Variants in ARHGEF39 observed in about 807,000 individuals in gnomAD.
ARHGEF39 encodes Rho guanine nucleotide exchange factor (GEF) 39.
Under a neutral mutation model 47.5 loss-of-function variants are expected in ARHGEF39, and 45 were observed. That is an observed-to-expected ratio of 0.95 (90% CI 0.75 to 1.22). The LOEUF is 1.22. Ranked by LOEUF, ARHGEF39 falls within the 50% of genes most tolerant of loss-of-function variation. ARHGEF39 has a pLI of 0.00. For missense variants in ARHGEF39, 411 were observed against 425.3 expected (o/e 0.97, Z 0.30); for synonymous variants, 164 against 167.8 (o/e 0.98, Z 0.17).
intron 5 of ARHGEF39, 41 bp from the exon 6 acceptor site, chr9:35,663,115 A>G: frequency 6.2e-7 from 1 of 1,607,466 alleles, no homozygotes; most frequent in Non-Finnish European, 8.5e-7. Flanking sequence ...TACAACTTTG[A>G]CTTTGGGTGC....
chr9:35,663,926 A>T, intron 4 of ARHGEF39, 82 bp downstream of exon 4: 1 of 1,419,032 alleles, frequency 7.0e-7, no homozygotes, highest in Non-Finnish European at 9.9e-7. Context: ...TTTGGGATCG[A>T]CCCCAAGGCA....
chr9:35,662,645 A>G lies in ARHGEF39; in HGVS notation c.770T>C (p.Met257Thr), dbSNP rs149480515. 1,648 of 1,613,098 alleles carry G rather than the reference A, an allele frequency of 1.0e-3. 21 individuals are homozygous for G. The African/African-American group carries it at 0.019, about 19-fold the overall frequency. The stretch of plus-strand genomic sequence containing the variant: ...GTGCAGTGGAGGCCGAGGCTTGGCC[A>G]TGAGGAGCACATCAGTGAAGAGGAA... ...MFFLFTDVLL[M>T]AKPRPPLHLL... Residue 257 changes from methionine to threonine, a missense_variant, in exon 7 of 9, where the codon ATG (methionine) becomes ACG (threonine). Met to Thr is a moderately conservative substitution (Grantham distance 81). Coordinates refer to ENST00000378387, the MANE Select transcript of ARHGEF39 (RefSeq NM_032818.3).
intron 3 of ARHGEF39, 123 bp from the exon 4 acceptor site, chr9:35,664,249 C>T: frequency 2.0e-6 from 3 of 1,517,022 alleles, no homozygotes; most frequent in East Asian, 2.3e-5. Flanking sequence ...CGTTTCTCTA[C>T]AAGGAACTTA....
chr9:35,662,334 T>C (rs949653637), intron 7 of ARHGEF39, 67 bp from the exon 8 acceptor site: 2 of 1,513,460 alleles, frequency 1.3e-6, no homozygotes, highest in Non-Finnish European at 1.8e-6. Context: ...GCCCTTGCTG[T>C]TTCCATGGAG....
chr9:35,663,041 C>T lies in ARHGEF39; in HGVS notation c.578G>A (p.Arg193Lys). The stretch of plus-strand genomic sequence containing the variant: ...CTGTTTCTGACCAATAGTATGGACT[C>T]TCTGGGCAGTCTCACTTATCAGTCG... ...AARLISETAQ[R>K]VHTIGQKQKN... Residue 193 changes from arginine to lysine, a missense_variant, in exon 6 of 9, where the codon AGA becomes AAA. Transcript: ENST00000378387. 1 of 1,612,328 alleles carries T rather than the reference C, an allele frequency of 6.2e-7. No homozygotes were observed. The highest frequency in any genetic ancestry group is 8.5e-7 in the Non-Finnish European group (1 of 1,178,576).
In ARHGEF39 at chr9:35,661,071, G is replaced by A. The variant is rs755422129; in HGVS notation, c.*916C>T. On this transcript the variant is annotated 3_prime_UTR_variant, in exon 9 of 9. Transcript: ENST00000378387. ...GAACCTAGCTACTTCCTGGGAGGTG[G>A]GGCGGGGACTACGGAGAAGGTGCAG... 6.2e-7 allele frequency: 1 copy of A among 1,614,178 alleles called. No homozygotes were observed. Among genetic ancestry groups the A allele is most frequent in the Admixed American group, 1.7e-5 (1 of 60,022 alleles).
chr9:35,661,200 G>C lies in ARHGEF39; in HGVS notation c.*787C>G. ...TCTGTTTTCATGATGGAGTGCTCCTGTGTGTTTTTTCGATCCTAGTTGGTT... is the reference window on the plus strand; with the variant it reads ...TCTGTTTTCATGATGGAGTGCTCCTCTGTGTTTTTTCGATCCTAGTTGGTT... On this transcript the variant is annotated 3_prime_UTR_variant, in exon 9 of 9. Coordinates refer to ENST00000378387, the MANE Select transcript of ARHGEF39 (RefSeq NM_032818.3). 3 of 1,572,530 alleles carry C rather than the reference G, an allele frequency of 1.9e-6. No individual in the cohort carries two copies. Among genetic ancestry groups the C allele is most frequent in the Non-Finnish European group, 2.6e-6 (3 of 1,157,412 alleles).
At chr9:35,664,886 G>A in intron 1 of ARHGEF39, 36 bp from the exon 2 acceptor site, 1 of 1,594,476 alleles carries the variant, frequency 6.3e-7, no homozygotes, top group Non-Finnish European at 8.5e-7. Context: ...TTAGCCTAGA[G>A]GAAGAGAAGG....
rs1009159417 is a variant in ARHGEF39 at position 35,663,897 on chromosome 9, C to T, written c.473+111G>A. Reference sequence around the variant, plus strand: ...CAAAAGGTTTTTAGAAGCAATTTGGCTCAGGGTCGAGGCAAGAGTTTGGGA... The same window carrying T: ...CAAAAGGTTTTTAGAAGCAATTTGGTTCAGGGTCGAGGCAAGAGTTTGGGA... On this transcript the variant is annotated intron_variant, in intron 4 of 8. Transcript: ENST00000378387. The T allele has an allele frequency of 1.2e-5, 14 of 1,180,588 alleles. No individual in the cohort carries two copies. In the African/African-American group the frequency reaches 1.8e-4, roughly 16 times the overall value. The allele number at this position is 1,180,588 out of a possible 1,614,324, so 73.1% of individuals were successfully genotyped here. A position where few individuals can be genotyped will look rare whatever the true frequency, so the allele number is the denominator to read the frequency against.
At chr9:35,663,100 C>T in intron 5 of ARHGEF39, 26 bp from the exon 6 acceptor site, 1 of 1,609,138 alleles carries the variant, frequency 6.2e-7, no homozygotes. Context: ...CCACCTTACT[C>T]CCCATACAAC....
chr9:35,663,449 G>T, intron 4 of ARHGEF39, 57 bp from the exon 5 acceptor site: 1 of 1,454,194 alleles, frequency 6.9e-7, no homozygotes, highest in Non-Finnish European at 9.6e-7. Context: ...AATTCCCCCT[G>T]CCTGATGTGC....
chr9:35,663,381 A>C lies in ARHGEF39; in HGVS notation c.485T>G (p.Leu162Arg), dbSNP rs762614948. 1 of 1,613,502 alleles carries C rather than the reference A, an allele frequency of 6.2e-7. No individual in the cohort carries two copies. Among genetic ancestry groups the C allele is most frequent in the African/African-American group, 1.3e-5 (1 of 74,896 alleles). Residue 162 changes from leucine to arginine, a missense_variant, in exon 5 of 9, where the codon CTC becomes CGC. Coordinates refer to ENST00000378387, the MANE Select transcript of ARHGEF39 (RefSeq NM_032818.3). ...TGTGTTTTCAGCCAAAGCTACGACG[A>C]GATTCTCATACCTGGAATTCAACAG... The part of the protein sequence containing the change: ...PLQRLQQYEN[L>R]VVALAENTGP...
chr9:35,660,291 A>T lies in ARHGEF39; in HGVS notation c.*1696T>A. The T allele has an allele frequency of 2.1e-6, 2 of 934,156 alleles. No homozygotes were observed. Among genetic ancestry groups the T allele is most frequent in the South Asian group, 3.2e-5 (2 of 61,656 alleles). 57.9% of individuals were successfully genotyped at this position (934,156 alleles called of 1,614,324 possible). ...TTGTGATTCTCTGAGGTAAAAACCC[A>T]ATCACTGTCTCCATCTCAAATTGCA... is the stretch of plus-strand genomic sequence containing the variant. On this transcript the variant is annotated 3_prime_UTR_variant, in exon 9 of 9. Transcript: ENST00000378387.
chr9:35,664,973 G>T, intron 1 of ARHGEF39, 59 bp downstream of exon 1: 1 of 1,509,586 alleles, frequency 6.6e-7, no homozygotes, highest in South Asian at 1.3e-5. Flanking sequence ...ACCTCGCAGA[G>T]ACCCTCCCAC....
chr9:35,662,377 A>C, intron 7 of ARHGEF39, 110 bp from the exon 8 acceptor site: 1 of 1,385,696 alleles, frequency 7.2e-7, no homozygotes, highest in Non-Finnish European at 1.0e-6. Flanking sequence ...ACTAGGTATG[A>C]AGCCCGAGCC....
chr9:35,664,810 G>A lies in ARHGEF39; in HGVS notation c.179C>T (p.Pro60Leu). ...GCCAAACAGGGCCTGGCGCTCAGGTGGTCGCAGGGTCCCCTTGGCTTTCAG... is the reference window on the plus strand; with the variant it reads ...GCCAAACAGGGCCTGGCGCTCAGGTAGTCGCAGGGTCCCCTTGGCTTTCAG... ...GILKAKGTLR[P>L]PERQALFGSW... is the part of the protein sequence containing the mutation. Residue 60 changes from proline to leucine, a missense_variant, in exon 2 of 9, where the codon CCA becomes CTA. Physicochemically the swap from Pro to Leu is moderately conservative, Grantham distance 98 (BLOSUM62 -3). Coordinates refer to ENST00000378387, the MANE Select transcript of ARHGEF39 (RefSeq NM_032818.3). The A allele has an allele frequency of 6.2e-7, 1 of 1,611,966 alleles. No individual in the cohort carries two copies. Among genetic ancestry groups the A allele is most frequent in the African/African-American group, 1.3e-5 (1 of 75,062 alleles).
rs188416193 is a variant in ARHGEF39, at chr9:35,662,160, G to C, written c.992+19C>G. On this transcript the variant is annotated intron_variant, in intron 8 of 8. Coordinates refer to ENST00000378387, the MANE Select transcript of ARHGEF39 (RefSeq NM_032818.3). ...TGGGCCTCATCACAGCACCCTTCCTGGGGGAAGACACAACTTACCTGATAG... is the reference window on the plus strand; with the variant it reads ...TGGGCCTCATCACAGCACCCTTCCTCGGGGAAGACACAACTTACCTGATAG... 6.2e-7 allele frequency: 1 copy of C among 1,611,524 alleles called. No individual in the cohort carries two copies. Among genetic ancestry groups the C allele is most frequent in the East Asian group, 2.2e-5 (1 of 44,858 alleles).
chr9:35,664,118 T>G lies in ARHGEF39; in HGVS notation c.363A>C (p.Leu121=), dbSNP rs745436976. 4 of 1,613,936 alleles carry G rather than the reference T, an allele frequency of 2.5e-6. No homozygotes were observed. The East Asian group carries it at 6.7e-5, about 27-fold the overall frequency. ...ACCTCCGGAAACCTTTATTTTTCTT[T>G]AGCTGCTCCTGGAGTGAGGGAGAAA... The part of the protein sequence containing the change: ...ERSQTTLQEQ[L]KKNKGFRRFV... Residue 121 remains leucine (L), a synonymous_variant, in exon 4 of 9, where the codon CTA becomes CTC. Transcript: ENST00000378387.
Position 35,665,159 on chromosome 9 carries a change from G to C in ARHGEF39, c.11C>G (p.Ser4Cys). Residue 4 changes from serine (S) to cysteine (C), a missense_variant, in exon 1 of 9, where the codon TCC (serine) becomes TGC (cysteine). Ser to Cys is a moderately radical substitution (Grantham distance 112). Coordinates refer to ENST00000378387, the MANE Select transcript of ARHGEF39 (RefSeq NM_032818.3). MEL[S>C]CPGSRCPVQE... ...CACCGGGCACCGCGAACCGGGGCAG[G>C]AGAGCTCCATGCCCTGGCTGAGGGA... 6.6e-7 allele frequency: 1 copy of C among 1,521,022 alleles called. No individual in the cohort carries two copies. The allele number at this position is 1,521,022 out of a possible 1,614,324, so 94.2% of individuals were successfully genotyped here.
Sources: gnomAD v4.1 joint callset for allele counts on GRCh38, gnomAD v4.1.1 for gene constraint, MANE v1.5 for transcripts, NCBI Gene and HGNC (gene_info 2026-07-23, HGNC 2026-07-21) for gene names.